ZNF443: variants seen among roughly 807,000 people sequenced by gnomAD.
ZNF443 encodes zinc finger protein 443.
Under a neutral mutation model 12.0 loss-of-function variants are expected in ZNF443, and 3 were observed. The observed-to-expected ratio is 0.25, with a 90% CI of 0.11 to 0.64. ZNF443 has a LOEUF of 0.64. ZNF443 is among the 30% of genes least tolerant of loss of function. The pLI, the probability that ZNF443 is intolerant of heterozygous loss-of-function variation, is 0.84. For synonymous variants in ZNF443, 225 were observed against 265.9 expected, an observed-to-expected ratio of 0.85 and a Z score of 1.50; for missense variants, 770 against 808.8, an observed-to-expected ratio of 0.95 and a Z score of 0.58.
In ZNF443 at chr19:12,431,138, G is replaced by A. The variant is rs367960967; in HGVS notation, c.1034C>T (p.Ala345Val). ...TTGAAAGCTTCCCAGATGATGAAAC[G>A]CTTTCCCACATTGCTGACATGCATA... is the stretch of plus-strand genomic sequence containing the variant. ...KPYACQQCGK[A>V]FHHLGSFQRH... Residue 345 changes from alanine (A) to valine (V), a missense_variant, in exon 4 of 4, where the codon GCG becomes GTG. Transcript: ENST00000301547. The A allele has an allele frequency of 9.3e-6, 15 of 1,613,886 alleles. No individual in the cohort carries two copies. Among genetic ancestry groups the A allele is most frequent in the Non-Finnish European group, 1.2e-5 (14 of 1,179,938 alleles).
At chr19:12,438,361 T>G (rs1394803077) in intron 1 of ZNF443, among the ~76,000 whole-genome samples, 2 of 152,228 alleles carry the variant, frequency 1.3e-5, no homozygotes, top group Admixed American at 1.3e-4. Flanking sequence ...GAATGTCATT[T>G]AATTACTATT....
chr19:12,434,221 T>C (rs1402630566), intron 1 of ZNF443, among the ~76,000 whole-genome samples: 1 of 152,198 alleles, frequency 6.6e-6, no homozygotes, highest in Non-Finnish European at 1.5e-5. Context: ...GGGCATTGGG[T>C]CTATAATGAG....
At chr19:12,438,532 G>A (rs1436834742) in intron 1 of ZNF443, among the ~76,000 whole-genome samples, 1 of 152,188 alleles carries the variant, frequency 6.6e-6, no homozygotes, top group African/African-American at 2.4e-5. Context: ...AAAAGGAGAA[G>A]AACTGAACTT....
Position 12,431,283 on chromosome 19 carries a change from G to C in ZNF443, c.889C>G (p.Leu297Val). ...CCAGTGTGAGTTCTTTCATGTATTA[G>C]ACAAGAACTGGAATCAGGGAAGGCT... ...SKAFPDSSSCLIHERTHTGEK... is the reference protein window; with the variant it reads ...SKAFPDSSSCVIHERTHTGEK... The change falls in exon 4 of 4, where the codon CTA becomes GTA. Residue 297 changes from leucine (L) to valine (V), a missense_variant. Leu to Val is a conservative substitution (Grantham distance 32, BLOSUM62 1). Transcript: ENST00000301547. The C allele has an allele frequency of 1.2e-6, 2 of 1,614,128 alleles. No individual in the cohort carries two copies. The highest frequency in any genetic ancestry group is 1.7e-6 in the Non-Finnish European group (2 of 1,179,984).
chr19:12,431,612 T>C lies in ZNF443; in HGVS notation c.560A>G (p.His187Arg), dbSNP rs1208735616. ...SFSSLGNLQR[H>R]MAVQRGDGPY... is the part of the protein sequence containing the mutation. ...TCCATCTCCACGCTGCACTGCCATG[T>C]GTCTTTGAAGGTTTCCCAAAGAACT... Residue 187 changes from histidine (H) to arginine (R), a missense_variant, in exon 4 of 4, where the codon CAC (histidine) becomes CGC (arginine). By Grantham distance (29) the His-to-Arg change is conservative. This residue lies in a region of ZNF443 where 736 missense variants were observed against 689.4 expected (regional missense o/e 1.07). Transcript: ENST00000301547. 1 of 1,614,198 alleles carries C rather than the reference T, an allele frequency of 6.2e-7. No individual in the cohort carries two copies. Among genetic ancestry groups the C allele is most frequent in the Admixed American group, 1.7e-5 (1 of 60,026 alleles).
chr19:12,431,419 T>A lies in ZNF443; in HGVS notation c.753A>T (p.Lys251Asn). 1 of 1,614,130 alleles carries A rather than the reference T, an allele frequency of 6.2e-7. No homozygotes were observed. The highest frequency in any genetic ancestry group is 8.5e-7 in the Non-Finnish European group (1 of 1,179,988). The change falls in exon 4 of 4, where the codon AAA becomes AAT. Residue 251 changes from lysine (K) to asparagine (N), a missense_variant. By Grantham distance (94) the Lys-to-Asn change is moderately conservative (BLOSUM62 0). Coordinates refer to ENST00000301547, the MANE Select transcript of ZNF443 (RefSeq NM_005815.5). The part of the protein sequence containing the change: ...LRHERTHTGE[K>N]PYECKQCSKA... ...TAGAACACTGTTTACATTCATACGGTTTCTCCCCAGTATGTGTTCTTTCAT... is the reference window on the plus strand; with the variant it reads ...TAGAACACTGTTTACATTCATACGGATTCTCCCCAGTATGTGTTCTTTCAT...
Position 12,431,546 on chromosome 19 carries a change from G to A in ZNF443, c.626C>T (p.Pro209Leu), listed in dbSNP as rs149854641. The stretch of plus-strand genomic sequence containing the variant: ...TCTTTCATGCATATGTAATAAACTG[G>A]GCCAAAAAAACGCTTTCCCACACAA... ...CKLCGKAFFW[P>L]SLLHMHERTH... Residue 209 changes from proline (P) to leucine (L), a missense_variant, in exon 4 of 4, where the codon CCC (proline) becomes CTC (leucine). Transcript: ENST00000301547. 2.9e-5 allele frequency: 47 copies of A among 1,613,806 alleles called. No homozygotes were observed. The highest frequency in any genetic ancestry group is 3.7e-5 in the Non-Finnish European group (44 of 1,179,954).
At position 12,434,021 on chromosome 19, in the gene ZNF443, A is replaced by G. The variant is rs7256167; in HGVS notation, c.4-824T>C. On this transcript the variant is annotated intron_variant, in intron 1 of 3. Transcript: ENST00000301547. ...CAGCTCCCTCACCATGTGATACTCT[A>G]TGCCACCTAGAGACTCTGCAGAGTC... Among the ~76,000 whole-genome samples the G allele has an allele frequency of 8.4e-3, 1,285 of 152,276 alleles. 14 individuals carry two copies. The highest frequency in any genetic ancestry group is 0.029 in the African/African-American group (1,223 of 41,552).
At position 12,430,487 on chromosome 19, in the gene ZNF443, C is replaced by G; in HGVS notation, c.1685G>C (p.Cys562Ser). ...RIHSGEKPYE[C>S]KECGKAFSWL... ...AGAGAATGCTTTCCCACATTCCTTA[C>G]ATTCATACGGCTTCTCTCCAGAGTG... is the stretch of plus-strand genomic sequence containing the variant. Residue 562 changes from cysteine (C) to serine (S), a missense_variant, in exon 4 of 4, where the codon TGT becomes TCT. Transcript: ENST00000301547. The G allele has an allele frequency of 6.2e-7, 1 of 1,614,162 alleles. No individual in the cohort carries two copies. Among genetic ancestry groups the G allele is most frequent in the Non-Finnish European group, 8.5e-7 (1 of 1,179,994 alleles).
In ZNF443 at chr19:12,430,221, A is replaced by G. The variant is rs145053669; in HGVS notation, c.1951T>C (p.Cys651Arg). The change falls in exon 4 of 4, where the codon TGT becomes CGT. Residue 651 changes from cysteine to arginine, a missense_variant. This residue lies in a region of ZNF443 where 30 missense variants were observed against 60.4 expected (regional missense o/e 0.50). Transcript: ENST00000301547. ...GCAAATGCTTTCCCACATTCCTTACATTCATATGGGTTCTCTCCAGTGTGA... is the reference window on the plus strand; with the variant it reads ...GCAAATGCTTTCCCACATTCCTTACGTTCATATGGGTTCTCTCCAGTGTGA... ...KTHTGENPYECKECGKAFASL... is the reference protein window; with the variant it reads ...KTHTGENPYERKECGKAFASL... 7.8e-4 allele frequency: 1,263 copies of G among 1,612,548 alleles called. 8 individuals carry two copies. In the African/African-American group the frequency reaches 0.015, roughly 20 times the overall value.
intron 1 of ZNF443, among the ~76,000 whole-genome samples, chr19:12,440,326 C>T (rs182634607): frequency 6.7e-4 from 102 of 152,240 alleles, no homozygotes; most frequent in Non-Finnish European, 1.3e-3. Context: ...ATAAGATCTC[C>T]GAGTGCTGCT....
intron 1 of ZNF443, among the ~76,000 whole-genome samples, chr19:12,440,083 A>G (rs925845682): frequency 2.0e-5 from 3 of 151,988 alleles, no homozygotes; most frequent in African/African-American, 7.3e-5. Flanking sequence ...GACCACGGAA[A>G]CCACAGCTCC....
At chr19:12,435,395 T>C (rs1448003307) in intron 1 of ZNF443, among the ~76,000 whole-genome samples, 3 of 152,100 alleles carry the variant, frequency 2.0e-5, no homozygotes, top group Non-Finnish European at 4.4e-5. Flanking sequence ...GAACAGACTA[T>C]GATTAAGACA....
intron 1 of ZNF443, among the ~76,000 whole-genome samples, chr19:12,435,966 C>T (rs1441965240): frequency 6.6e-6 from 1 of 151,920 alleles, no homozygotes; most frequent in African/African-American, 2.4e-5. Flanking sequence ...TACTTTTCAA[C>T]ACAAAATTAT....
chr19:12,435,712 C>T (rs1007839319), intron 1 of ZNF443, among the ~76,000 whole-genome samples: 1 of 151,344 alleles, frequency 6.6e-6, no homozygotes, highest in South Asian at 2.1e-4. Context: ...CTTTTGTATG[C>T]TTCATCTTTT....
chr19:12,430,243 G>A lies in ZNF443; in HGVS notation c.1929C>T (p.His643=), dbSNP rs745969373. ...TACATTCATATGGGTTCTCTCCAGTGTGAGTTTTTTTCCAGTGAGTCTTTT... is the reference window on the plus strand; with the variant it reads ...TACATTCATATGGGTTCTCTCCAGTATGAGTTTTTTTCCAGTGAGTCTTTT... ...RHKKTHWKKT[H]TGENPYECKE... Residue 643 remains histidine (H), a synonymous_variant, in exon 4 of 4, where the codon CAC becomes CAT. Coordinates refer to ENST00000301547, the MANE Select transcript of ZNF443 (RefSeq NM_005815.5). 12 of 1,613,176 alleles carry A rather than the reference G, an allele frequency of 7.4e-6. No individual in the cohort carries two copies. The Admixed American group carries it at 8.3e-5, about 11-fold the overall frequency.
At chr19:12,436,435 G>A (rs966636759) in intron 1 of ZNF443, among the ~76,000 whole-genome samples, 39 of 151,760 alleles carry the variant, frequency 2.6e-4, no homozygotes, top group East Asian at 3.9e-4. Context: ...AGCCGAGATC[G>A]TGCCACTGCA....
At position 12,430,685 on chromosome 19, in the gene ZNF443, G is replaced by C. The variant is rs1182631817; in HGVS notation, c.1487C>G (p.Thr496Arg). ...IDFCSFQNHK[T>R]THTGEKPYEC... The stretch of plus-strand genomic sequence containing the variant: ...ATATGGCTTCTCTCCAGTGTGAGTT[G>C]TTTTGTGATTTTGAAAGGAACAGAA... Residue 496 changes from threonine (T) to arginine (R), a missense_variant, in exon 4 of 4, where the codon ACA (threonine) becomes AGA (arginine). Around this residue, in one of 3 missense-constraint regions of ZNF443, gnomAD observed 736 missense variants for 689.4 expected, o/e 1.07. Transcript: ENST00000301547. 5 of 1,612,684 alleles carry C rather than the reference G, an allele frequency of 3.1e-6. No homozygotes were observed. The Admixed American group carries it at 8.3e-5, about 27-fold the overall frequency.
rs1970255006 is a variant in ZNF443 at position 12,431,573 on chromosome 19, T to C, written c.599A>G (p.Lys200Arg). Reference sequence around the variant, plus strand: ...CCAAAAAAACGCTTTCCCACACAACTTACATTTATAAGGTCCATCTCCACG... The same window carrying C: ...CCAAAAAAACGCTTTCCCACACAACCTACATTTATAAGGTCCATCTCCACG... ...VQRGDGPYKC[K>R]LCGKAFFWPS... Residue 200 changes from lysine to arginine, a missense_variant, in exon 4 of 4, where the codon AAG (lysine) becomes AGG (arginine). Physicochemically the swap from Lys to Arg is conservative, Grantham distance 26 (BLOSUM62 2). Around this residue, in one of 3 missense-constraint regions of ZNF443, gnomAD observed 736 missense variants for 689.4 expected, o/e 1.07. Coordinates refer to ENST00000301547, the MANE Select transcript of ZNF443 (RefSeq NM_005815.5). The C allele has an allele frequency of 6.2e-7, 1 of 1,614,028 alleles. No individual in the cohort carries two copies. The highest frequency in any genetic ancestry group is 1.3e-5 in the African/African-American group (1 of 74,924).
Sources: gnomAD v4.1 joint callset for allele counts (sites outside exome capture counted in the v4.1 genomes callset) on GRCh38, gnomAD v4.1.1 for gene constraint, gnomAD v4.1.1 regional missense constraint, MANE v1.5 for transcripts, NCBI Gene and HGNC (gene_info 2026-07-23, HGNC 2026-07-21) for gene names.